The following SNRPD3 variants were observed in gnomAD, a reference collection of about 807,000 sequenced individuals.
SNRPD3 encodes small nuclear ribonucleoprotein D3 polypeptide, also known as small nuclear ribonucleoprotein Sm D3.
For synonymous variants in SNRPD3, 66 were observed against 58.4 expected (o/e 1.13, Z -0.59); for missense variants, 73 against 167.5 (o/e 0.44, Z 3.11).
At chr22:24,565,395 A>G (rs1376008708) in intron 2 of SNRPD3, among the ~76,000 whole-genome samples, 2 of 152,178 alleles carry the variant, frequency 1.3e-5, no homozygotes, top group Non-Finnish European at 2.9e-5. Context: ...GTGGGGTAAC[A>G]TGAGCTGCCG....
rs146955202 is a variant in SNRPD3 at position 24,564,917 on chromosome 22, T to C, written c.127-3067T>C. Among the ~76,000 whole-genome samples the C allele has an allele frequency of 2.6e-3, 384 of 146,308 alleles. 2 individuals are homozygous for C. The highest frequency in any genetic ancestry group is 9.3e-3 in the African/African-American group (368 of 39,704). ...TTTTTTTTTTTTGACAGGGTCTTACTCTGTTGCCCAGGCTGGAATGCAGTG... is the reference window on the plus strand; with the variant it reads ...TTTTTTTTTTTTGACAGGGTCTTACCCTGTTGCCCAGGCTGGAATGCAGTG... On this transcript the variant is annotated intron_variant, in intron 2 of 3. Transcript: ENST00000215829.
At chr22:24,569,758 A>G (rs2147130564) in intron 3 of SNRPD3, among the ~76,000 whole-genome samples, 2 of 152,362 alleles carry the variant, frequency 1.3e-5, no homozygotes, top group Middle Eastern at 6.8e-3. Flanking sequence ...AGTAGCTCAC[A>G]CAACTCGGGA....
chr22:24,566,989 A>G (rs2045202656), intron 2 of SNRPD3, among the ~76,000 whole-genome samples: 1 of 152,090 alleles, frequency 6.6e-6, no homozygotes, highest in Non-Finnish European at 1.5e-5. Flanking sequence ...TCATTATTCG[A>G]CTGCTCTGGT....
intron 1 of SNRPD3, 70 bp from the exon 2 acceptor site, chr22:24,557,586 GA>G: frequency 9.1e-7 from 1 of 1,100,566 alleles, no homozygotes; most frequent in South Asian, 1.4e-5. Flanking sequence ...GGCCTTAAAG[GA>G]AGCATGATGT....
At position 24,568,348 on chromosome 22, in the gene SNRPD3, T is replaced by C. The variant is rs1296217936; in HGVS notation, c.319+172T>C. ...GTGGAGTGATCCTGTGAGGCCATTA[T>C]TTTATTTTTTTGAGACAGAGTCTCG... is the stretch of plus-strand genomic sequence containing the variant. On this transcript the variant is annotated intron_variant, in intron 3 of 3. Transcript: ENST00000215829. Among the ~76,000 whole-genome samples the C allele has an allele frequency of 4.6e-5, 7 of 151,876 alleles. No homozygotes were observed. In the East Asian group the frequency reaches 1.3e-3, roughly 29 times the overall value.
chr22:24,568,671 C>G (rs1383358059), intron 3 of SNRPD3, among the ~76,000 whole-genome samples: 4 of 151,738 alleles, frequency 2.6e-5, no homozygotes, highest in Non-Finnish European at 5.9e-5. Context: ...AGTTCTCTGC[C>G]TCAGACTCCT....
chr22:24,571,806 G>A, intron 3 of SNRPD3, 110 bp from the exon 4 acceptor site: 1 of 1,038,002 alleles, frequency 9.6e-7, no homozygotes. Context: ...TGTTGGACCA[G>A]GTAACCCTTC....
At chr22:24,557,560 G>A (rs1304738179) in intron 1 of SNRPD3, 97 bp from the exon 2 acceptor site, 1 of 831,888 alleles carries the variant, frequency 1.2e-6, no homozygotes, top group African/African-American at 1.8e-5. Context: ...TTTTTGCTAA[G>A]TTTTATGGAG....
chr22:24,556,988 G>A (rs1464541101), intron 1 of SNRPD3, among the ~76,000 whole-genome samples: 2 of 152,166 alleles, frequency 1.3e-5, no homozygotes, highest in Admixed American at 1.3e-4. Flanking sequence ...ATCCTTGATA[G>A]TAAAATAAGT....
rs913196336 is a variant in SNRPD3 at position 24,572,783 on chromosome 22, G to A, written c.*806G>A. The A allele has an allele frequency of 1.3e-5, 2 of 152,376 alleles. No homozygotes were observed. Among genetic ancestry groups the A allele is most frequent in the Non-Finnish European group, 2.9e-5 (2 of 68,478 alleles). 9.4% of individuals were successfully genotyped at this position (152,376 alleles called of 1,614,324 possible). On this transcript the variant is annotated 3_prime_UTR_variant, in exon 4 of 4. Coordinates refer to ENST00000215829, the MANE Select transcript of SNRPD3 (RefSeq NM_004175.5). ...CTCAAAAAAAAAAAAGTAATTCAGG[G>A]GATCCTAGTGGCCAGCTTCCTTGGC...
At chr22:24,568,963 C>CTGGTAA (rs2045223414) in intron 3 of SNRPD3, among the ~76,000 whole-genome samples, 1 of 152,224 alleles carries the variant, frequency 6.6e-6, no homozygotes, top group Non-Finnish European at 1.5e-5. Context: ...CCTGCCTCGG[C>CTGGTAA]CCCCTGAAAT....
At chr22:24,559,546 A>G (rs987764188) in intron 2 of SNRPD3, among the ~76,000 whole-genome samples, 5 of 152,198 alleles carry the variant, frequency 3.3e-5, no homozygotes, top group Non-Finnish European at 5.9e-5. Context: ...TAACCTTGGT[A>G]GCCATTCAGA....
At chr22:24,570,759 G>A (rs1005835312) in intron 3 of SNRPD3, among the ~76,000 whole-genome samples, 1 of 151,620 alleles carries the variant, frequency 6.6e-6, no homozygotes, top group Admixed American at 6.6e-5. Flanking sequence ...GAGAACAGCA[G>A]TCTTATCATG....
chr22:24,570,776 A>T (rs1196761993), intron 3 of SNRPD3, among the ~76,000 whole-genome samples: 1 of 149,794 alleles, frequency 6.7e-6, no homozygotes, highest in East Asian at 2.0e-4. Context: ...CATGCTATTT[A>T]TATGGAGTGT....
chr22:24,556,374 T>G (rs2045064949), intron 1 of SNRPD3, among the ~76,000 whole-genome samples: 1 of 59,828 alleles, frequency 1.7e-5, no homozygotes, highest in Non-Finnish European at 3.9e-5. Context: ...GAGTTTTTTT[T>G]TGTTTTTTTT....
Sources: gnomAD v4.1 joint callset for allele counts (sites outside exome capture counted in the v4.1 genomes callset) on GRCh38, gnomAD v4.1.1 for gene constraint, MANE v1.5 for transcripts, NCBI Gene and HGNC (gene_info 2026-07-23, HGNC 2026-07-21) for gene names.